The following NDUFA10 variants were observed in gnomAD, a reference collection of about 807,000 sequenced individuals.
NDUFA10 encodes NADH:ubiquinone oxidoreductase subunit A10.
In NDUFA10, 40 loss-of-function variants were observed where a neutral mutation model predicts 47.8. The observed-to-expected ratio is 0.84, with a 90% CI of 0.65 to 1.09. The LOEUF is 1.09. Ranked by LOEUF, NDUFA10 falls within the 50% of genes least tolerant of loss-of-function variation. The pLI is 0.00. For missense variants in NDUFA10, 413 were observed against 451.1 expected (o/e 0.92, Z 0.76); for synonymous variants, 183 against 172.2 (o/e 1.06, Z -0.49).
Position 239,960,275 on chromosome 2 carries a change from G to C in NDUFA10, c.*843C>G. ...AAACCATGATGCTGAACCACAACCA[G>C]CTTGTTTTGGTTTTCTAGGCTTCAA... On this transcript the variant is annotated 3_prime_UTR_variant, in exon 10 of 10. Transcript: ENST00000252711. 1 of 985,594 alleles carries C rather than the reference G, an allele frequency of 1.0e-6. No homozygotes were observed. The highest frequency in any genetic ancestry group is 1.2e-6 in the Non-Finnish European group (1 of 830,104). The allele number at this position is 985,594 out of a possible 1,614,324, so 61.1% of individuals were successfully genotyped here.
In NDUFA10 at chr2:240,025,326, A is replaced by G; in HGVS notation, c.-25T>C. On this transcript the variant is annotated 5_prime_UTR_variant, in exon 1 of 10. Transcript: ENST00000252711. The stretch of plus-strand genomic sequence containing the variant: ...TGGCTACCCGGTCAGCTCAGGATCA[A>G]GGACCCAAGGGGACGCGGTCGCGAC... 2 of 1,487,824 alleles carry G rather than the reference A, an allele frequency of 1.3e-6. No individual in the cohort carries two copies. Among genetic ancestry groups the G allele is most frequent in the Admixed American group, 2.3e-5 (1 of 43,054 alleles). The allele number at this position is 1,487,824 out of a possible 1,614,324, so 92.2% of individuals were successfully genotyped here. A position where few individuals can be genotyped will look rare whatever the true frequency, so the allele number is the denominator to read the frequency against.
intron 8 of NDUFA10, among the ~76,000 whole-genome samples, chr2:240,003,625 A>G (rs571764231): frequency 3.9e-5 from 6 of 152,274 alleles, no homozygotes; most frequent in African/African-American, 1.4e-4. Context: ...CAGAATTATG[A>G]TACAACAGCA....
chr2:240,021,361 C>T lies in NDUFA10; in HGVS notation c.296G>A (p.Gly99Glu), dbSNP rs771444488. The change falls in exon 3 of 10, where the codon GGA (glycine) becomes GAA (glutamate). Residue 99 changes from glycine (G) to glutamate (E), a missense_variant. Gly to Glu is a moderately conservative substitution (Grantham distance 98, BLOSUM62 -2). Coordinates refer to ENST00000252711, the MANE Select transcript of NDUFA10 (RefSeq NM_004544.4). ...AGIHYPDSTT[G>E]DGKPLATDYN... is the part of the protein sequence containing the mutation. ...GTCGGTGGCGAGGGGCTTCCCATCT[C>T]CTGTGGTACTGTCTGGATAATGAAT... 12 of 1,614,036 alleles carry T rather than the reference C, an allele frequency of 7.4e-6. No individual in the cohort carries two copies. The highest frequency in any genetic ancestry group is 1.0e-5 in the Non-Finnish European group (12 of 1,180,036).
intron 4 of NDUFA10, among the ~76,000 whole-genome samples, chr2:239,917,642 CTAAT>C (rs1177135798): frequency 2.0e-5 from 3 of 152,236 alleles, no homozygotes; most frequent in African/African-American, 7.2e-5. Flanking sequence ...CACAATTTGA[CTAAT>C]TGTTTTGCCT....
intron 9 of NDUFA10, among the ~76,000 whole-genome samples, chr2:239,984,798 G>A (rs1237959677): frequency 6.6e-6 from 1 of 152,234 alleles, no homozygotes; most frequent in Non-Finnish European, 1.5e-5. Flanking sequence ...CGTCCCTGAG[G>A]CGCTCCCTGG....
In NDUFA10 at chr2:240,025,285, A is replaced by G; in HGVS notation, c.17T>C (p.Leu6Pro). The G allele has an allele frequency of 6.6e-7, 1 of 1,505,358 alleles. No homozygotes were observed. 93.3% of individuals were successfully genotyped at this position (1,505,358 alleles called of 1,614,324 possible). ...GGACGCGGACGTCGCTGCCAGCTTC[A>G]GGAGCCGCAAGGCCATGGCTACCCG... The part of the protein sequence containing the change: MALRL[L>P]KLAATSASAR... Residue 6 changes from leucine (L) to proline (P), a missense_variant, in exon 1 of 10, where the codon CTG (leucine) becomes CCG (proline). Coordinates refer to ENST00000252711, the MANE Select transcript of NDUFA10 (RefSeq NM_004544.4).
rs888702846 is a variant in NDUFA10, at chr2:239,959,928, G to A, written c.*1190C>T. ...CGCATGCTCCGCAGCAGCGAGGCCTGGTAGAGCTTCCGCGGGGAGCAGAGC... is the reference window on the plus strand; with the variant it reads ...CGCATGCTCCGCAGCAGCGAGGCCTAGTAGAGCTTCCGCGGGGAGCAGAGC... On this transcript the variant is annotated 3_prime_UTR_variant, in exon 10 of 10. Coordinates refer to ENST00000252711, the MANE Select transcript of NDUFA10 (RefSeq NM_004544.4). 1.0e-6 allele frequency: 1 copy of A among 985,410 alleles called. No homozygotes were observed. Among genetic ancestry groups the A allele is most frequent in the Admixed American group, 6.1e-5 (1 of 16,270 alleles). 61.0% of individuals were successfully genotyped at this position (985,410 alleles called of 1,614,324 possible). A position where few individuals can be genotyped will look rare whatever the true frequency, so the allele number is the denominator to read the frequency against.
Position 239,928,395 on chromosome 2 carries a change from G to A in NDUFA10, c.295-33081C>T, listed in dbSNP as rs760474079. Among the ~76,000 whole-genome samples, 15 of 152,164 alleles carry A rather than the reference G, an allele frequency of 9.9e-5. No individual in the cohort carries two copies. The highest frequency in any genetic ancestry group is 1.9e-4 in the Non-Finnish European group (13 of 68,026). Reference sequence around the variant, plus strand: ...CAGAGCTGGAAAGAGAACACAAAGAGGAAAAAGGAAAACCACTTGCGATCT... The same window carrying A: ...CAGAGCTGGAAAGAGAACACAAAGAAGAAAAAGGAAAACCACTTGCGATCT... On this transcript the variant is annotated intron_variant, in intron 4 of 5. Coordinates refer to the NDUFA10 transcript ENST00000419408. This position sits in a 1 kb window ranked among gnomAD's most constrained non-coding sequence, Gnocchi z 4.3.
At chr2:240,002,758 AG>A (rs1696778436) in intron 8 of NDUFA10, among the ~76,000 whole-genome samples, 1 of 152,108 alleles carries the variant, frequency 6.6e-6, no homozygotes. Flanking sequence ...CTATTTTAAC[AG>A]GGGGGCAGGA....
downstream of NDUFA10, among the ~76,000 whole-genome samples, chr2:239,956,196 G>A (rs571579958): frequency 6.6e-6 from 1 of 152,272 alleles, no homozygotes; most frequent in South Asian, 2.1e-4. Flanking sequence ...GTCCCCAGGG[G>A]CTCCAGCGCC....
chr2:239,893,217 G>C (rs1359578437), intron 5 of NDUFA10, among the ~76,000 whole-genome samples: 1 of 152,186 alleles, frequency 6.6e-6, no homozygotes, highest in African/African-American at 2.4e-5. Context: ...CTGCAGCACA[G>C]GGTACACGGC....
intron 9 of NDUFA10, among the ~76,000 whole-genome samples, chr2:239,979,823 G>A (rs1442124645): frequency 6.6e-6 from 1 of 152,278 alleles, no homozygotes; most frequent in East Asian, 1.9e-4. Flanking sequence ...CCCCGTGGCA[G>A]CTGCGGACCC....
chr2:239,975,385 A>G (rs570030803), intron 9 of NDUFA10, among the ~76,000 whole-genome samples: 1 of 152,244 alleles, frequency 6.6e-6, no homozygotes, highest in South Asian at 2.1e-4. Flanking sequence ...GCCTAATACA[A>G]CCCCCACACC....
At chr2:239,895,334 T>A (rs1274726637) in intron 4 of NDUFA10, 1 of 461,582 alleles carries the variant, frequency 2.2e-6, no homozygotes, top group East Asian at 7.1e-5. Flanking sequence ...AAGAGGACAG[T>A]GACCACAGAG....
chr2:240,004,765 C>G (rs1574876394), intron 8 of NDUFA10, among the ~76,000 whole-genome samples: 2 of 152,274 alleles, frequency 1.3e-5, no homozygotes, highest in East Asian at 3.9e-4. Context: ...CCACGGCCCA[C>G]AGGACCCAAT....
At chr2:239,935,646 T>C (rs1018269462) in intron 4 of NDUFA10, among the ~76,000 whole-genome samples, 6 of 152,210 alleles carry the variant, frequency 3.9e-5, no homozygotes, top group African/African-American at 1.4e-4. Context: ...TTCCCACATG[T>C]TGTGGGAGGG....
chr2:239,947,355 A>G (rs1483241691), intron 4 of NDUFA10, among the ~76,000 whole-genome samples: 4 of 152,196 alleles, frequency 2.6e-5, no homozygotes, highest in Admixed American at 2.6e-4. Context: ...CCTGAGGCCC[A>G]CAGAGGAAAA....
chr2:239,897,557 C>A (rs1693420047), intron 4 of NDUFA10, among the ~76,000 whole-genome samples: 1 of 152,180 alleles, frequency 6.6e-6, no homozygotes, highest in African/African-American at 2.4e-5. Flanking sequence ...TTGTTATTGA[C>A]AAGTGTCTGT....
Position 239,911,227 on chromosome 2 carries a change from G to C in NDUFA10, c.295-15913C>G, listed in dbSNP as rs74004826. Reference sequence around the variant, plus strand: ...GGAGGGAGTTGTGTGTGTAATCCTGGCTCACACCCTGACCTGGGAGAAGGG... The same window carrying C: ...GGAGGGAGTTGTGTGTGTAATCCTGCCTCACACCCTGACCTGGGAGAAGGG... On this transcript the variant is annotated intron_variant, in intron 4 of 5. Transcript: ENST00000419408. Among the ~76,000 whole-genome samples the C allele has an allele frequency of 7.5e-3, 1,144 of 152,276 alleles. 15 individuals are homozygous for C. The highest frequency in any genetic ancestry group is 0.026 in the African/African-American group (1,099 of 41,560).
Sources: allele counts gnomAD v4.1 joint callset (sites outside exome capture counted in the v4.1 genomes callset), GRCh38; gene constraint gnomAD v4.1.1; non-coding constraint Gnocchi (gnomAD v3.1); transcripts MANE v1.5; gene names NCBI Gene and HGNC (gene_info 2026-07-23, HGNC 2026-07-21).